CORO1C: variants seen among roughly 807,000 people sequenced by gnomAD.
CORO1C encodes coronin 1C.
CORO1C carries 14 observed loss-of-function variants against 51.2 expected under a neutral mutation model. That is an observed-to-expected ratio of 0.27 (90% CI 0.18 to 0.43). The LOEUF is 0.43. Among genes scored for constraint, CORO1C ranks in the 20% least tolerant of loss-of-function variants. The pLI is 1.00. For synonymous variants in CORO1C, 181 were observed against 210.5 expected, an observed-to-expected ratio of 0.86 and a Z score of 1.21; for missense variants, 417 against 607.8, an observed-to-expected ratio of 0.69 and a Z score of 3.30.
At position 108,647,503 on chromosome 12, in the gene CORO1C, T is replaced by A; in HGVS notation, c.1325A>T (p.Asp442Val). The A allele has an allele frequency of 6.2e-7, 1 of 1,604,600 alleles. No individual in the cohort carries two copies. ...AGATTTGATCTCTTTTAAAATCTCA[T>A]CCAACTTGGCTTCATTTTGCTAAGA... is the stretch of plus-strand genomic sequence containing the variant. ...TASVQNEAKL[D>V]EILKEIKSIK... The change falls in exon 11 of 11, where the codon GAT becomes GTT. Residue 442 changes from aspartate (D) to valine (V), a missense_variant. Transcript: ENST00000261401.
At chr12:108,729,120 T>C (rs905248882) in intron 1 of CORO1C, among the ~76,000 whole-genome samples, 1 of 152,224 alleles carries the variant, frequency 6.6e-6, no homozygotes, top group East Asian at 1.9e-4. Flanking sequence ...TAACTAAGAA[T>C]TGATATTCAT....
chr12:108,719,541 C>A (rs777298579), intron 1 of CORO1C, among the ~76,000 whole-genome samples: 2 of 152,138 alleles, frequency 1.3e-5, no homozygotes, highest in Non-Finnish European at 1.5e-5. Flanking sequence ...TCAAGTCAAA[C>A]GAATTCTCAA....
intron 3 of CORO1C, among the ~76,000 whole-genome samples, chr12:108,670,995 AAATAAT>A (rs1027164565): frequency 1.3e-5 from 2 of 151,274 alleles, no homozygotes; most frequent in Non-Finnish European, 2.9e-5. Context: ...GAAAAGAGCA[AAATAAT>A]AATAATAATA....
chr12:108,721,919 GAAA>G (rs199536498), intron 1 of CORO1C, among the ~76,000 whole-genome samples: 30 of 147,672 alleles, frequency 2.0e-4, no homozygotes, highest in African/African-American at 7.5e-4. Context: ...AAATGGAAAA[GAAA>G]AAAAAAAGAT....
At chr12:108,705,769 T>C (rs564200878) in intron 1 of CORO1C, among the ~76,000 whole-genome samples, 2 of 152,316 alleles carry the variant, frequency 1.3e-5, no homozygotes, top group South Asian at 2.1e-4. Context: ...ATTAGAATTA[T>C]ACACCACAAT....
intron 6 of CORO1C, among the ~76,000 whole-genome samples, chr12:108,656,631 T>C (rs937875454): frequency 6.6e-6 from 1 of 152,192 alleles, no homozygotes; most frequent in African/African-American, 2.4e-5. Context: ...GGGGAAAGGA[T>C]AGAGAAATCA....
At chr12:108,725,224 T>G (rs190297841) in intron 1 of CORO1C, among the ~76,000 whole-genome samples, 11 of 152,344 alleles carry the variant, frequency 7.2e-5, no homozygotes, top group Admixed American at 7.2e-4. Context: ...GACTCAACTT[T>G]GATTCAAAGT....
chr12:108,702,949 T>G, intron 1 of CORO1C: 1 of 1,529,968 alleles, frequency 6.5e-7, no homozygotes, highest in Non-Finnish European at 8.7e-7. Context: ...GGGCCATACA[T>G]TTTGAGTCTT....
At chr12:108,716,704 G>A (rs1412296935) in intron 1 of CORO1C, among the ~76,000 whole-genome samples, 1 of 151,968 alleles carries the variant, frequency 6.6e-6, no homozygotes, top group Non-Finnish European at 1.5e-5. Context: ...TGATTTCTAG[G>A]GTCCTATCAG....
chr12:108,677,031 T>C (rs912506989), intron 3 of CORO1C, among the ~76,000 whole-genome samples: 3 of 152,208 alleles, frequency 2.0e-5, no homozygotes, highest in African/African-American at 4.8e-5. Context: ...TTTGTATTTA[T>C]GTAAAATAAT....
intron 1 of CORO1C, among the ~76,000 whole-genome samples, chr12:108,720,722 A>C (rs929941664): frequency 1.3e-5 from 2 of 152,018 alleles, no homozygotes; most frequent in East Asian, 1.9e-4. Context: ...ATGGGGTTTC[A>C]CCATGTTAGC....
In CORO1C at chr12:108,658,916, C is replaced by T; in HGVS notation, c.452G>A (p.Cys151Tyr). Residue 151 changes from cysteine to tyrosine, a missense_variant, in exon 5 of 11, where the codon TGT becomes TAT. By Grantham distance (194) the Cys-to-Tyr change is radical. Transcript: ENST00000261401. The surrounding 1 kb of genome is among the most constrained non-coding windows in gnomAD (Gnocchi z 4.9). ...TARNVLLSAGCDNAIIIWNVG... is the reference protein window; with the variant it reads ...TARNVLLSAGYDNAIIIWNVG... Reference sequence around the variant, plus strand: ...ATTCCAGATGATAATGGCATTATCACAGCCTAAAACAGGCAAAACCATCAG... The same window carrying T: ...ATTCCAGATGATAATGGCATTATCATAGCCTAAAACAGGCAAAACCATCAG... 6.2e-7 allele frequency: 1 copy of T among 1,601,264 alleles called. No homozygotes were observed. The highest frequency in any genetic ancestry group is 8.6e-7 in the Non-Finnish European group (1 of 1,169,016).
chr12:108,690,872 T>C (rs1218434184), intron 2 of CORO1C, among the ~76,000 whole-genome samples: 1 of 152,192 alleles, frequency 6.6e-6, no homozygotes, highest in East Asian at 1.9e-4. Flanking sequence ...ATTAAAGCAT[T>C]CAATATCAAA....
chr12:108,656,710 ATTC>A (rs1836321090), intron 6 of CORO1C, among the ~76,000 whole-genome samples: 1 of 152,242 alleles, frequency 6.6e-6, no homozygotes, highest in East Asian at 1.9e-4. Context: ...ACTAAGAAAA[ATTC>A]TTCTGCCTTG....
intron 3 of CORO1C, among the ~76,000 whole-genome samples, chr12:108,668,182 C>T (rs1829149622): frequency 2.0e-5 from 3 of 152,212 alleles, no homozygotes; most frequent in Admixed American, 2.0e-4. Flanking sequence ...CAGACCAGTA[C>T]AGCGTCCTAC....
In CORO1C at chr12:108,701,397, T is replaced by A. The variant is rs2034865779; in HGVS notation, c.-5-74A>T. The A allele has an allele frequency of 2.5e-6, 4 of 1,599,792 alleles. No homozygotes were observed. The Admixed American group carries it at 6.8e-5, about 27-fold the overall frequency. On this transcript the variant is annotated intron_variant, in intron 1 of 10. Coordinates refer to ENST00000261401, the MANE Select transcript of CORO1C (RefSeq NM_014325.4). ...AGCTTTACTTTTACAAATGAAATGC[T>A]CCAAGTAGGAAAAACAGAATGGTAT... is the stretch of plus-strand genomic sequence containing the variant.
chr12:108,693,441 T>C (rs1400761335), intron 2 of CORO1C, among the ~76,000 whole-genome samples: 3 of 152,226 alleles, frequency 2.0e-5, no homozygotes, highest in Non-Finnish European at 4.4e-5. Flanking sequence ...GACGCCATGT[T>C]GATCTAGTTA....
rs115452546 is a variant in CORO1C at position 108,673,018 on chromosome 12, C to T, written c.318+5254G>A. Among the ~76,000 whole-genome samples, 848 of 152,226 alleles carry T rather than the reference C, an allele frequency of 5.6e-3. 9 individuals carry two copies. The highest frequency in any genetic ancestry group is 0.019 in the African/African-American group (787 of 41,528). ...ATTGAAATTAGGCCAATTAATAACC[C>T]TAAATGACCTTTAAGTGTTTGGGTG... On this transcript the variant is annotated intron_variant, in intron 3 of 10. Transcript: ENST00000261401.
intron 3 of CORO1C, among the ~76,000 whole-genome samples, chr12:108,662,568 A>ATT (rs2033318055): frequency 1.3e-5 from 2 of 152,248 alleles, no homozygotes; most frequent in Admixed American, 1.3e-4. Context: ...ATTATTTGGG[A>ATT]TTTTATTCTA....
Sources: gnomAD v4.1 joint callset for allele counts (sites outside exome capture counted in the v4.1 genomes callset) on GRCh38, gnomAD v4.1.1 for gene constraint, Gnocchi (gnomAD v3.1) non-coding constraint, MANE v1.5 for transcripts, NCBI Gene and HGNC (gene_info 2026-07-23, HGNC 2026-07-21) for gene names.